Variants in ADAMTS6 observed in about 807,000 individuals in gnomAD.
ADAMTS6 encodes the protein A disintegrin and metalloproteinase with thrombospondin motifs 6.
A neutral mutation model predicts 144.3 loss-of-function variants in ADAMTS6; 23 were observed. The observed-to-expected ratio is 0.16, with a 90% CI of 0.11 to 0.23. ADAMTS6 has a LOEUF of 0.23. Among genes scored for constraint, ADAMTS6 ranks in the 10% least tolerant of loss-of-function variants. ADAMTS6 has a pLI of 1.00. For missense variants in ADAMTS6, 999 were observed against 1,379.6 expected (o/e 0.72, Z 4.37); for synonymous variants, 444 against 457.5 (o/e 0.97, Z 0.38).
chr5:65,199,839 T>C (rs1755621453), intron 20 of ADAMTS6, among the ~76,000 whole-genome samples: 1 of 152,190 alleles, frequency 6.6e-6, no homozygotes, highest in African/African-American at 2.4e-5. Flanking sequence ...CTAAGAATTA[T>C]GAATTGACTT....
At position 65,392,985 on chromosome 5, in the gene ADAMTS6, A is replaced by G. The variant is rs544137447; in HGVS notation, c.1073+58490T>C. On this transcript the variant is annotated intron_variant, in intron 7 of 24. Transcript: ENST00000381055. ...TCTACCAAATTTTCTCAACATTTGAAGTTAGCAATGCTTTTATTTTTCCTG... is the reference window on the plus strand; with the variant it reads ...TCTACCAAATTTTCTCAACATTTGAGGTTAGCAATGCTTTTATTTTTCCTG... Among the ~76,000 whole-genome samples, 7 of 152,312 alleles carry G rather than the reference A, an allele frequency of 4.6e-5. No individual in the cohort carries two copies. In the South Asian group the frequency reaches 1.4e-3, roughly 32 times the overall value.
At chr5:65,270,720 G>C (rs1761985129) in intron 12 of ADAMTS6, among the ~76,000 whole-genome samples, 1 of 152,156 alleles carries the variant, frequency 6.6e-6, no homozygotes, top group African/African-American at 2.4e-5. Flanking sequence ...TTTAGACAGT[G>C]ATATCCGCTA....
chr5:65,276,988 A>C (rs998477964), intron 11 of ADAMTS6, among the ~76,000 whole-genome samples: 1 of 152,202 alleles, frequency 6.6e-6, no homozygotes, highest in Non-Finnish European at 1.5e-5. Context: ...TGTGTGTTAG[A>C]ATCCCCTTGA....
At chr5:65,466,838 C>T (rs1045952644) in intron 3 of ADAMTS6, among the ~76,000 whole-genome samples, 3 of 152,018 alleles carry the variant, frequency 2.0e-5, no homozygotes, top group Non-Finnish European at 4.4e-5. Context: ...GTCAGGAGAT[C>T]GAGACCATCC....
intron 7 of ADAMTS6, among the ~76,000 whole-genome samples, chr5:65,351,689 G>A (rs749004393): frequency 1.3e-5 from 2 of 152,146 alleles, no homozygotes; most frequent in Non-Finnish European, 2.9e-5. Context: ...AGCTGAGGTG[G>A]GAGGATGGCT....
intron 7 of ADAMTS6, among the ~76,000 whole-genome samples, chr5:65,360,159 C>A (rs564047226): frequency 6.6e-6 from 1 of 152,136 alleles, no homozygotes; most frequent in Non-Finnish European, 1.5e-5. Flanking sequence ...TCTGAGGAGG[C>A]CTTAGGAAAC....
intron 14 of ADAMTS6, among the ~76,000 whole-genome samples, chr5:65,254,673 T>C (rs923471031): frequency 6.6e-6 from 1 of 152,344 alleles, no homozygotes; most frequent in Admixed American, 6.5e-5. Flanking sequence ...TCCTCAGCTA[T>C]GCTGATGTTG....
chr5:65,209,497 A>G (rs531309820), intron 20 of ADAMTS6, among the ~76,000 whole-genome samples: 1 of 152,368 alleles, frequency 6.6e-6, no homozygotes, highest in South Asian at 2.1e-4. Flanking sequence ...GAAGTGTTTC[A>G]TTACTGACTC....
intron 3 of ADAMTS6, among the ~76,000 whole-genome samples, chr5:65,465,794 A>G (rs931336215): frequency 4.6e-5 from 7 of 151,820 alleles, no homozygotes; most frequent in Admixed American, 3.3e-4. Context: ...CAGCTTTATT[A>G]CTCTGTTCTA....
chr5:65,195,492 C>T (rs1755283272), intron 21 of ADAMTS6, among the ~76,000 whole-genome samples: 1 of 152,188 alleles, frequency 6.6e-6, no homozygotes, highest in Admixed American at 6.5e-5. Flanking sequence ...CTTCAAGGGA[C>T]TAGTAGTGAG....
intron 7 of ADAMTS6, among the ~76,000 whole-genome samples, chr5:65,405,149 A>T (rs1442333743): frequency 6.6e-6 from 1 of 152,176 alleles, no homozygotes; most frequent in Non-Finnish European, 1.5e-5. Context: ...CTTTAGTTTA[A>T]TTAGATCCCA....
At chr5:65,457,847 C>G (rs1263631797) in intron 4 of ADAMTS6, among the ~76,000 whole-genome samples, 2 of 150,082 alleles carry the variant, frequency 1.3e-5, no homozygotes, top group Non-Finnish European at 3.0e-5. Context: ...CTGCCTCAGC[C>G]TCCCGAGTAG....
At chr5:65,371,261 G>A (rs908828855) in intron 7 of ADAMTS6, among the ~76,000 whole-genome samples, 4 of 152,226 alleles carry the variant, frequency 2.6e-5, no homozygotes, top group African/African-American at 4.8e-5. Flanking sequence ...ACGGAACAAA[G>A]CTGGACGGAG....
At chr5:65,452,664 A>G (rs923070452) in intron 5 of ADAMTS6, 43 bp downstream of exon 5, 2 of 1,596,428 alleles carry the variant, frequency 1.3e-6, no homozygotes, top group Non-Finnish European at 8.5e-7. Flanking sequence ...TCAAAAACAC[A>G]ACAAATATGA....
chr5:65,290,755 CT>C (rs1292076512), intron 11 of ADAMTS6, among the ~76,000 whole-genome samples: 2 of 151,838 alleles, frequency 1.3e-5, no homozygotes, highest in African/African-American at 2.4e-5. Flanking sequence ...GACACTGTGA[CT>C]TTTTTTTAAG....
chr5:65,428,060 T>C (rs1468954639), intron 7 of ADAMTS6, among the ~76,000 whole-genome samples: 1 of 151,674 alleles, frequency 6.6e-6, no homozygotes, highest in Non-Finnish European at 1.5e-5. Context: ...AGCCCGTCTC[T>C]ACTAAAAATA....
At chr5:65,158,298 C>T (rs1002736228) in intron 24 of ADAMTS6, among the ~76,000 whole-genome samples, 1 of 152,172 alleles carries the variant, frequency 6.6e-6, no homozygotes, top group African/African-American at 2.4e-5. Flanking sequence ...ATTTCTGGAG[C>T]TGCCTAAGCT....
chr5:65,282,960 T>TAA (rs1175374906), intron 11 of ADAMTS6, among the ~76,000 whole-genome samples: 1 of 152,136 alleles, frequency 6.6e-6, no homozygotes, highest in Non-Finnish European at 1.5e-5. Flanking sequence ...GTTTAAAGAC[T>TAA]AAAAAAGAGA....
intron 20 of ADAMTS6, among the ~76,000 whole-genome samples, chr5:65,204,261 TA>T (rs1290719833): frequency 1.3e-5 from 2 of 152,188 alleles, no homozygotes; most frequent in Non-Finnish European, 2.9e-5. Context: ...AGTAGTTATA[TA>T]GGAGAAGCCA....
Sources: gnomAD v4.1 joint callset for allele counts (sites outside exome capture counted in the v4.1 genomes callset) on GRCh38, gnomAD v4.1.1 for gene constraint, MANE v1.5 for transcripts, NCBI Gene and HGNC (gene_info 2026-07-23, HGNC 2026-07-21) for gene names.